Variants in ZNF442 observed in about 807,000 individuals in gnomAD.
ZNF442 encodes the protein zinc finger protein 442.
ZNF442 carries 45 observed loss-of-function variants against 57.0 expected under a neutral mutation model. The observed-to-expected ratio is 0.79, with a 90% CI of 0.62 to 1.01. The LOEUF (loss-of-function observed/expected upper bound fraction) is 1.01, where lower values mean the gene tolerates loss of function less well. Ranked by LOEUF, ZNF442 falls within the 50% of genes least tolerant of loss-of-function variation. The pLI, the probability that ZNF442 is intolerant of heterozygous loss-of-function variation, is 0.00. For missense variants in ZNF442, 690 were observed against 756.5 expected (o/e 0.91, Z 1.03); for synonymous variants, 213 against 241.8 (o/e 0.88, Z 1.10).
At chr19:12,370,898 G>A (rs367619716), upstream of ZNF442, among the ~76,000 whole-genome samples, 292 of 151,280 alleles carry the variant, frequency 1.9e-3, 4 homozygotes, top group African/African-American at 6.4e-3. Context: ...GCTTCAACCC[G>A]GAAGGCGGAG....
At position 12,346,904 on chromosome 19, in the gene ZNF442, A is replaced by C. The variant is rs1462036486; in HGVS notation, c.*2797T>G. 3 of 152,244 alleles carry C rather than the reference A, an allele frequency of 2.0e-5. No individual in the cohort carries two copies. Among genetic ancestry groups the C allele is most frequent in the African/African-American group, 7.2e-5 (3 of 41,472 alleles). The allele number at this position is 152,244 out of a possible 1,614,324, so 9.4% of individuals were successfully genotyped here. A position where few individuals can be genotyped will look rare whatever the true frequency, so the allele number is the denominator to read the frequency against. ...TATGAATAGTCAAATTCACAGACAG[A>C]GAAAGTAGAATGGAGATTTTCAGTA... is the stretch of plus-strand genomic sequence containing the variant. On this transcript the variant is annotated 3_prime_UTR_variant, in exon 6 of 6. Transcript: ENST00000242804.
chr19:12,365,768 C>CCA, upstream of ZNF442: 1 of 176,680 alleles, frequency 5.7e-6, no homozygotes, highest in Non-Finnish European at 1.2e-5. Flanking sequence ...AATTCCGCCC[C>CCA]CCCAGGGAAC....
Position 12,351,225 on chromosome 19 carries a change from C to G in ZNF442, c.360G>C (p.Val120=). The G allele has an allele frequency of 1.9e-6, 3 of 1,614,192 alleles. No homozygotes were observed. The highest frequency in any genetic ancestry group is 1.7e-6 in the Non-Finnish European group (2 of 1,180,034). Residue 120 remains valine (V), a synonymous_variant, in exon 6 of 6, where the codon GTG becomes GTC. Coordinates refer to ENST00000242804, the MANE Select transcript of ZNF442 (RefSeq NM_030824.3). ...PPGVDPCKSS[V]CGEIMGCSFL... ...ATGAACAACCCATGATTTCTCCACA[C>G]ACACTGCTTTTACATGGATCTACTC...
intron 3 of ZNF442, among the ~76,000 whole-genome samples, chr19:12,362,328 C>A (rs536569535): frequency 8.4e-4 from 127 of 151,596 alleles, no homozygotes; most frequent in Admixed American, 7.4e-3. Flanking sequence ...GCCTCTGCCC[C>A]GCCGCCCCAT....
intron 3 of ZNF442, among the ~76,000 whole-genome samples, chr19:12,356,065 T>C (rs1466662095): frequency 6.6e-6 from 1 of 151,640 alleles, no homozygotes; most frequent in Non-Finnish European, 1.5e-5. Context: ...CAAATTCAAC[T>C]ATATTAAAAT....
rs2144810104 is a variant in ZNF442, at chr19:12,351,010, G to T, written c.575C>A (p.Ser192Tyr). The T allele has an allele frequency of 6.2e-7, 1 of 1,613,912 alleles. No homozygotes were observed. The highest frequency in any genetic ancestry group is 2.2e-5 in the East Asian group (1 of 44,882). Residue 192 changes from serine (S) to tyrosine (Y), a missense_variant, in exon 6 of 6, where the codon TCT (serine) becomes TAT (tyrosine). By Grantham distance (144) the Ser-to-Tyr change is moderately radical. Transcript: ENST00000242804. Reference sequence around the variant, plus strand: ...TATGTGTCTTCGAAGGTTTCCCGAAGAACTGAAGGTTTTCCCACATTCCTT... The same window carrying T: ...TATGTGTCTTCGAAGGTTTCCCGAATAACTGAAGGTTTTCCCACATTCCTT... ...DCKECGKTFS[S>Y]SGNLRRHIIV...
chr19:12,370,054 A>T (rs1318611343), upstream of ZNF442, among the ~76,000 whole-genome samples: 1 of 152,008 alleles, frequency 6.6e-6, no homozygotes, highest in East Asian at 1.9e-4. Context: ...TTTTCCATGT[A>T]CTGGAGTGGG....
intron 3 of ZNF442, among the ~76,000 whole-genome samples, chr19:12,359,074 C>T (rs1208033349): frequency 6.6e-6 from 1 of 152,184 alleles, no homozygotes; most frequent in African/African-American, 2.4e-5. Context: ...AAACCTTCCC[C>T]TCTTGGCTGA....
At chr19:12,357,568 G>C (rs1969354677) in intron 3 of ZNF442, among the ~76,000 whole-genome samples, 1 of 151,212 alleles carries the variant, frequency 6.6e-6, no homozygotes, top group East Asian at 2.0e-4. Flanking sequence ...GGCCAGGCTG[G>C]TCTCGAACTC....
chr19:12,363,615 C>G lies in ZNF442; in HGVS notation c.17G>C (p.Gly6Ala). ...AAGGAAGAGATCACTTCTGTCTTCTCCCCCAAATACAATCATTCAACTGGC... is the reference window on the plus strand; with the variant it reads ...AAGGAAGAGATCACTTCTGTCTTCTGCCCCAAATACAATCATTCAACTGGC... MIVFG[G>A]EDRSDLFLPD... The change falls in exon 3 of 6, where the codon GGA (glycine) becomes GCA (alanine). Residue 6 changes from glycine to alanine, a missense_variant. By Grantham distance (60) the Gly-to-Ala change is moderately conservative (BLOSUM62 0). Transcript: ENST00000242804. 6.2e-7 allele frequency: 1 copy of G among 1,614,130 alleles called. No individual in the cohort carries two copies. The highest frequency in any genetic ancestry group is 8.5e-7 in the Non-Finnish European group (1 of 1,179,988).
At chr19:12,359,839 G>A (rs930660535) in intron 3 of ZNF442, among the ~76,000 whole-genome samples, 3 of 152,088 alleles carry the variant, frequency 2.0e-5, no homozygotes, top group Non-Finnish European at 2.9e-5. Flanking sequence ...TTAGCCGGGC[G>A]TAGTGGCATG....
At chr19:12,368,818 C>T (rs1010655821), upstream of ZNF442, among the ~76,000 whole-genome samples, 1 of 152,116 alleles carries the variant, frequency 6.6e-6, no homozygotes, top group Non-Finnish European at 1.5e-5. Flanking sequence ...CGGTGAGCAG[C>T]CAGACCCTTT....
chr19:12,352,650 G>A (rs191155111), intron 4 of ZNF442, among the ~76,000 whole-genome samples: 1 of 152,240 alleles, frequency 6.6e-6, no homozygotes, highest in East Asian at 1.9e-4. Flanking sequence ...TTAATGCACA[G>A]TAAATACAGT....
chr19:12,347,147 A>G lies in ZNF442; in HGVS notation c.*2554T>C, dbSNP rs912847340. ...AACATCGTGGAGGTCTATTTGAGAT[A>G]TATTTCACTACAAGTTATTCTCATG... is the stretch of plus-strand genomic sequence containing the variant. On this transcript the variant is annotated 3_prime_UTR_variant, in exon 6 of 6. Transcript: ENST00000242804. 2 of 152,166 alleles carry G rather than the reference A, an allele frequency of 1.3e-5. No individual in the cohort carries two copies. The highest frequency in any genetic ancestry group is 2.9e-5 in the Non-Finnish European group (2 of 68,024). The allele number at this position is 152,166 out of a possible 1,614,324, so 9.4% of individuals were successfully genotyped here. A position where few individuals can be genotyped will look rare whatever the true frequency, so the allele number is the denominator to read the frequency against.
intron 3 of ZNF442, among the ~76,000 whole-genome samples, chr19:12,355,701 C>T (rs113865168): frequency 0.049 from 7,311 of 150,524 alleles, 589 homozygotes; most frequent in African/African-American, 0.17. Flanking sequence ...GGCACGGTGG[C>T]TCACACCTAT....
chr19:12,362,205 T>C (rs913161742), intron 3 of ZNF442, among the ~76,000 whole-genome samples: 28 of 152,022 alleles, frequency 1.8e-4, no homozygotes, highest in Admixed American at 3.3e-4. Context: ...GAGGAGCCCC[T>C]CTGCCTGGCC....
At chr19:12,362,529 G>A (rs950873017) in intron 3 of ZNF442, among the ~76,000 whole-genome samples, 3 of 151,426 alleles carry the variant, frequency 2.0e-5, no homozygotes, top group Admixed American at 6.6e-5. Flanking sequence ...CCCGGCAGCC[G>A]CCCCCTCCAG....
At chr19:12,370,652 G>C (rs1356652983), upstream of ZNF442, among the ~76,000 whole-genome samples, 1 of 151,720 alleles carries the variant, frequency 6.6e-6, no homozygotes, top group Non-Finnish European at 1.5e-5. Context: ...AAACAGACTA[G>C]GAAAAAAAAA....
At chr19:12,371,969 T>C in the ZNF442 span, among the ~76,000 whole-genome samples, 1 of 152,152 alleles carries the variant, frequency 6.6e-6, no homozygotes, top group African/African-American at 2.4e-5. Context: ...ATTTAAGAGC[T>C]TCTGTACAGC....
Sources: allele counts gnomAD v4.1 joint callset (sites outside exome capture counted in the v4.1 genomes callset), GRCh38; gene constraint gnomAD v4.1.1; transcripts MANE v1.5; gene names NCBI Gene and HGNC (gene_info 2026-07-23, HGNC 2026-07-21).